ARFGEF2: variants seen among roughly 807,000 people sequenced by gnomAD.
The protein encoded by ARFGEF2 is ARF guanine nucleotide exchange factor 2, also known as brefeldin A-inhibited guanine nucleotide-exchange protein 2.
Under a neutral mutation model 219.9 loss-of-function variants are expected in ARFGEF2, and 74 were observed. That is an observed-to-expected ratio of 0.34 (90% confidence interval 0.28 to 0.41). The LOEUF (loss-of-function observed/expected upper bound fraction) is 0.41. ARFGEF2 is among the 10% of genes least tolerant of loss of function. The probability of loss-of-function intolerance (pLI) is 1.00; values close to 1 mark genes in which losing one functional copy is unlikely to be tolerated. For missense variants in ARFGEF2, 1,743 were observed against 2,218.3 expected (o/e 0.79, Z 4.30); for synonymous variants, 733 against 799.2 (o/e 0.92, Z 1.40).
At chr20:49,023,312 C>A in intron 35 of ARFGEF2, 131 bp downstream of exon 35, 1 of 1,235,916 alleles carries the variant, frequency 8.1e-7, no homozygotes. Flanking sequence ...ACCTCACATT[C>A]AGTGATGGCA....
At chr20:49,032,248 A>G in intron 38 of ARFGEF2, 82 bp downstream of exon 38, 1 of 959,040 alleles carries the variant, frequency 1.0e-6, no homozygotes, top group South Asian at 1.3e-5. Flanking sequence ...TGCAGTAACT[A>G]TTTTCTCAGT....
chr20:48,966,284 C>T (rs2091186443), intron 8 of ARFGEF2, among the ~76,000 whole-genome samples: 1 of 152,202 alleles, frequency 6.6e-6, no homozygotes, highest in African/African-American at 2.4e-5. Context: ...TTTCTTCTCT[C>T]TCAAAATAGT....
In ARFGEF2 at chr20:49,014,029, C is replaced by T. The variant is rs939864170; in HGVS notation, c.4179+69C>T. Reference sequence around the variant, plus strand: ...AAGCCTTTCTGGCCGGTATTTGCCTCTGGGGGCTGCATCATCGTCTACCCA... The same window carrying T: ...AAGCCTTTCTGGCCGGTATTTGCCTTTGGGGGCTGCATCATCGTCTACCCA... On this transcript the variant is annotated intron_variant, in intron 30 of 38. Transcript: ENST00000371917. The T allele has an allele frequency of 2.5e-6, 4 of 1,599,248 alleles. No individual in the cohort carries two copies. The East Asian group carries it at 6.7e-5, about 27-fold the overall frequency.
intron 10 of ARFGEF2, 131 bp downstream of exon 10, chr20:48,971,485 A>G: frequency 2.3e-6 from 2 of 865,886 alleles, no homozygotes; most frequent in Non-Finnish European, 3.6e-6. Flanking sequence ...AATGTTTCAT[A>G]TCTTACCATC....
intron 14 of ARFGEF2, among the ~76,000 whole-genome samples, chr20:48,977,482 G>T (rs1433227716): frequency 6.6e-6 from 1 of 152,158 alleles, no homozygotes; most frequent in Non-Finnish European, 1.5e-5. Context: ...AATCCTTTGG[G>T]TATATACCCA....
At position 48,928,192 on chromosome 20, in the gene ARFGEF2, CTTTT is replaced by C. The variant is rs747462352; in HGVS notation, c.121+6203_121+6206del. Among the ~76,000 whole-genome samples, 11 of 104,758 alleles carry C rather than the reference CTTTT, an allele frequency of 1.1e-4. No homozygotes were observed. In the South Asian group the frequency reaches 2.5e-3, roughly 23 times the overall value. The allele number at this position is 104,758 out of a possible 152,430, so 68.7% of individuals were successfully genotyped here. A position where few individuals can be genotyped will look rare whatever the true frequency, so the allele number is the denominator to read the frequency against. On this transcript the variant is annotated intron_variant, in intron 1 of 38. Coordinates refer to ENST00000371917, the MANE Select transcript of ARFGEF2 (RefSeq NM_006420.3). ...AATTCAGAGGCATTGGTGTTGCAAT[CTTTT>C]TTTTTTTTTTTTTTTTTTTTGAGAC...
intron 3 of ARFGEF2, among the ~76,000 whole-genome samples, chr20:48,949,242 C>A (rs1883881): frequency 0.46 from 70,553 of 152,028 alleles, 17,957 homozygotes; most frequent in African/African-American, 0.67. Flanking sequence ...GTGCGAAAGT[C>A]GTAATCCATG....
rs59769008 is a variant in ARFGEF2, at chr20:48,937,151, G to C, written c.122-4048G>C. Among the ~76,000 whole-genome samples the C allele has an allele frequency of 7.6e-3, 1,160 of 152,296 alleles. 16 individuals carry two copies. The highest frequency in any genetic ancestry group is 0.026 in the African/African-American group (1,063 of 41,556). On this transcript the variant is annotated intron_variant, in intron 1 of 38. Transcript: ENST00000371917. ...CCTTCTCTCCACCTGCACGGGCTCT[G>C]TCCTGCTCTAAGCCCCCATTGCTGC... is the stretch of plus-strand genomic sequence containing the variant.
chr20:48,991,262 G>A, intron 21 of ARFGEF2, 64 bp downstream of exon 21: 1 of 1,600,852 alleles, frequency 6.2e-7, no homozygotes, highest in Non-Finnish European at 8.6e-7. Context: ...TTTATTCATT[G>A]TTGATCTCAT....
At chr20:49,006,395 A>G (rs566451595) in intron 26 of ARFGEF2, among the ~76,000 whole-genome samples, 2 of 152,216 alleles carry the variant, frequency 1.3e-5, no homozygotes, top group Non-Finnish European at 2.9e-5. Context: ...TTCATTATAT[A>G]TTACTCTACT....
At chr20:48,941,161 G>C (rs769460114) in intron 1 of ARFGEF2, 38 bp from the exon 2 acceptor site, 13 of 1,595,854 alleles carry the variant, frequency 8.1e-6, no homozygotes, top group Admixed American at 1.7e-5. Flanking sequence ...CATAAATGTT[G>C]CATTTTCCTA....
chr20:48,967,989 T>C, intron 8 of ARFGEF2, among the ~76,000 whole-genome samples: 1 of 152,192 alleles, frequency 6.6e-6, no homozygotes, highest in East Asian at 1.9e-4. Flanking sequence ...TATATGTTTT[T>C]AAAATTTTTA....
intron 34 of ARFGEF2, among the ~76,000 whole-genome samples, chr20:49,019,697 C>T (rs1442708069): frequency 6.6e-6 from 1 of 152,154 alleles, no homozygotes; most frequent in Non-Finnish European, 1.5e-5. Context: ...AGATGAAATA[C>T]AACTTTGGAC....
At position 48,922,431 on chromosome 20, in the gene ARFGEF2, A is replaced by G. The variant is rs139868156; in HGVS notation, c.121+421A>G. Among the ~76,000 whole-genome samples the G allele has an allele frequency of 4.9e-3, 751 of 152,304 alleles. 7 individuals carry two copies. Among genetic ancestry groups the G allele is most frequent in the African/African-American group, 0.017 (722 of 41,566 alleles). ...TCCAACTGGTTTAGGGAAACCCCTG[A>G]TTCTTGTTTTGGAAGTGCCCGTTGG... On this transcript the variant is annotated intron_variant, in intron 1 of 38. Transcript: ENST00000371917.
rs544397961 is a variant in ARFGEF2, at chr20:48,951,391, C to A, written c.345C>A (p.Ile115=). 6.2e-7 allele frequency: 1 copy of A among 1,614,202 alleles called. No individual in the cohort carries two copies. The highest frequency in any genetic ancestry group is 2.2e-5 in the East Asian group (1 of 44,888). Residue 115 remains isoleucine, a synonymous_variant, in exon 4 of 39, where the codon ATC becomes ATA. Coordinates refer to ENST00000371917, the MANE Select transcript of ARFGEF2 (RefSeq NM_006420.3). The stretch of plus-strand genomic sequence containing the variant: ...GTGGAGCCCCTGGGAAGCGGCTGAT[C>A]GACAGAATTGTTGAAACCATTTGCA... ...PDSGAPGKRL[I]DRIVETICSC...
rs762404997 is a variant in ARFGEF2 at position 48,988,286 on chromosome 20, T to C, written c.2277-18T>C. 6.2e-7 allele frequency: 1 copy of C among 1,602,860 alleles called. No homozygotes were observed. Among genetic ancestry groups the C allele is most frequent in the Non-Finnish European group, 8.5e-7 (1 of 1,170,690 alleles). ...CCGCATCACCATGAATATTGATGTC[T>C]CGAATTTTTTTCTCCAGGCAAACTC... On this transcript the variant is annotated intron_variant, in intron 16 of 38. Transcript: ENST00000371917.
At chr20:49,020,796 C>G (rs2091560752) in intron 34 of ARFGEF2, among the ~76,000 whole-genome samples, 1 of 151,966 alleles carries the variant, frequency 6.6e-6, no homozygotes, top group Non-Finnish European at 1.5e-5. Context: ...GTGTGGAGGC[C>G]AAGTATACAT....
At chr20:48,966,498 C>T (rs2091187914) in intron 8 of ARFGEF2, among the ~76,000 whole-genome samples, 1 of 152,142 alleles carries the variant, frequency 6.6e-6, no homozygotes, top group Admixed American at 6.5e-5. Context: ...TGTGTTGCAA[C>T]CTGCTTTTTA....
At chr20:48,994,332 A>G (rs2091373863) in intron 21 of ARFGEF2, 119 bp from the exon 22 acceptor site, 1 of 1,218,354 alleles carries the variant, frequency 8.2e-7, no homozygotes, top group Non-Finnish European at 1.2e-6. Context: ...ATTTGCATAA[A>G]CATCTATATG....
Sources: gnomAD v4.1 joint callset for allele counts (sites outside exome capture counted in the v4.1 genomes callset) on GRCh38, gnomAD v4.1.1 for gene constraint, MANE v1.5 for transcripts, NCBI Gene and HGNC (gene_info 2026-07-23, HGNC 2026-07-21) for gene names.